METTL6: variants seen among roughly 807,000 people sequenced by gnomAD.
METTL6 encodes tRNA N(3)-cytidine methyltransferase METTL6.
In METTL6, 22 loss-of-function variants were observed where a neutral mutation model predicts 26.4. The observed-to-expected ratio is 0.83, with a 90% CI of 0.59 to 1.19. The LOEUF (loss-of-function observed/expected upper bound fraction) is 1.19, where lower values mean the gene tolerates loss of function less well. METTL6 is among the 50% of genes most tolerant of loss of function. The pLI is 0.00. For synonymous variants in METTL6, 109 were observed against 116.2 expected (o/e 0.94, Z 0.40); for missense variants, 304 against 324.8 (o/e 0.94, Z 0.49).
At position 15,425,119 on chromosome 3, in the gene METTL6, T is replaced by C. The variant is rs746498177; in HGVS notation, c.226-30A>G. ...GGAAAGACAGCTCAAAGTTATAGTA[T>C]ATCACATTTGCATAATGAAGAAATA... On this transcript the variant is annotated intron_variant, in intron 2 of 5. Coordinates refer to ENST00000383790, the MANE Select transcript of METTL6 (RefSeq NM_152396.4). 3.1e-6 allele frequency: 5 copies of C among 1,609,930 alleles called. No homozygotes were observed. The South Asian group carries it at 5.5e-5, about 18-fold the overall frequency.
At chr3:15,419,299 C>A (rs1440251849) in intron 3 of METTL6, among the ~76,000 whole-genome samples, 1 of 151,640 alleles carries the variant, frequency 6.6e-6, no homozygotes, top group Non-Finnish European at 1.5e-5. Flanking sequence ...AATGACAAAC[C>A]AATAGAAAAA....
chr3:15,416,708 T>C (rs1700221384), intron 3 of METTL6, among the ~76,000 whole-genome samples: 1 of 152,242 alleles, frequency 6.6e-6, no homozygotes, highest in Non-Finnish European at 1.5e-5. Context: ...TAACCTTTTT[T>C]TGACTACAAA....
At chr3:15,407,501 GT>G (rs1159377171), downstream of METTL6, among the ~76,000 whole-genome samples, 1 of 152,182 alleles carries the variant, frequency 6.6e-6, no homozygotes, top group African/African-American at 2.4e-5. Context: ...TCATCAACCT[GT>G]TTTGCTTTCT....
chr3:15,427,639 C>T, upstream of METTL6: 1 of 823,212 alleles, frequency 1.2e-6, no homozygotes, highest in Non-Finnish European at 2.0e-6. Flanking sequence ...GCTTCTGGAC[C>T]CGGGTGGGTG....
chr3:15,403,833 T>C (rs1699712316), intron 6 of METTL6, among the ~76,000 whole-genome samples: 1 of 152,208 alleles, frequency 6.6e-6, no homozygotes, highest in Admixed American at 6.5e-5. Flanking sequence ...TTTGTGGTTA[T>C]TTCTTGATTA....
intron 3 of METTL6, among the ~76,000 whole-genome samples, chr3:15,423,747 G>A (rs1206101846): frequency 6.6e-6 from 1 of 151,908 alleles, no homozygotes; most frequent in Non-Finnish European, 1.5e-5. Context: ...GCTGGGCACG[G>A]TGGCACATGC....
At chr3:15,401,416 C>G (rs1274665975) in intron 6 of METTL6, among the ~76,000 whole-genome samples, 1 of 151,792 alleles carries the variant, frequency 6.6e-6, no homozygotes. Flanking sequence ...TCAGCTGATC[C>G]ACCCATCTCA....
chr3:15,405,092 T>C (rs1253178190), downstream of METTL6, among the ~76,000 whole-genome samples: 1 of 152,228 alleles, frequency 6.6e-6, no homozygotes, highest in Non-Finnish European at 1.5e-5. Context: ...TTGGCCTTAA[T>C]TCCAAACAAC....
chr3:15,422,110 G>A (rs1322102648), intron 3 of METTL6, among the ~76,000 whole-genome samples: 1 of 151,654 alleles, frequency 6.6e-6, no homozygotes, highest in Non-Finnish European at 1.5e-5. Flanking sequence ...AGGATCTCTT[G>A]AGCCCAGGAG....
At chr3:15,385,609 C>T (rs1032263548) in intron 6 of METTL6, among the ~76,000 whole-genome samples, 2 of 151,912 alleles carry the variant, frequency 1.3e-5, no homozygotes, top group African/African-American at 4.8e-5. Context: ...AACAAACAAA[C>T]GAACGAACAA....
rs115156238 is a variant in METTL6 at position 15,387,231 on chromosome 3, G to A, written c.*12-3044C>T. Among the ~76,000 whole-genome samples the A allele has an allele frequency of 1.9e-3, 290 of 152,286 alleles. 1 individual carries two copies. Among genetic ancestry groups the A allele is most frequent in the Middle Eastern group, 6.8e-3 (2 of 294 alleles). ...GATCACCTGACATTCCTGGAGACAG[G>A]GCCCTCCCCTGCCCTGCTCATGTCT... On this transcript the variant is annotated intron_variant, in intron 6 of 6. Coordinates refer to the METTL6 transcript ENST00000443029.
At chr3:15,418,015 T>C (rs1247349630) in intron 3 of METTL6, among the ~76,000 whole-genome samples, 3 of 152,196 alleles carry the variant, frequency 2.0e-5, no homozygotes, top group African/African-American at 7.2e-5. Flanking sequence ...GTTTGAAGTC[T>C]CTGGTGCCCA....
At chr3:15,419,953 C>T (rs1333472942) in intron 3 of METTL6, among the ~76,000 whole-genome samples, 1 of 151,742 alleles carries the variant, frequency 6.6e-6, no homozygotes, top group Non-Finnish European at 1.5e-5. Context: ...GCTCCGCCTC[C>T]CAGGTTCATG....
At chr3:15,425,207 G>T in intron 2 of METTL6, 118 bp from the exon 3 acceptor site, 1 of 1,074,442 alleles carries the variant, frequency 9.3e-7, no homozygotes, top group Non-Finnish European at 1.3e-6. Flanking sequence ...CGATCAACAA[G>T]AGAACTAATA....
At chr3:15,391,875 C>A (rs1394998357) in intron 6 of METTL6, among the ~76,000 whole-genome samples, 1 of 152,162 alleles carries the variant, frequency 6.6e-6, no homozygotes, top group Non-Finnish European at 1.5e-5. Context: ...ATATGCACCA[C>A]ATTTTCTTAA....
chr3:15,413,872 G>T (rs1470977563), intron 5 of METTL6, 149 bp downstream of exon 5: 7 of 1,522,106 alleles, frequency 4.6e-6, no homozygotes, highest in Non-Finnish European at 6.2e-6. Flanking sequence ...CCTTCCAGGT[G>T]CTGGGTAAAT....
exon 7 of METTL6, chr3:15,383,058 T>C (rs1201380622): frequency 2.0e-5 from 3 of 152,186 alleles, no homozygotes; most frequent in Non-Finnish European, 4.4e-5. Context: ...AGATCTACTG[T>C]ACATGGTGAC....
rs1419091092 is a variant in METTL6 at position 15,415,335 on chromosome 3, T to C, written c.531+437A>G. Among the ~76,000 whole-genome samples the C allele has an allele frequency of 1.3e-5, 2 of 152,210 alleles. 1 individual carries two copies. The highest frequency in any genetic ancestry group is 4.1e-4 in the South Asian group (2 of 4,832). Reference sequence around the variant, plus strand: ...GATCTGCCAATGATCATACATTAGCTTTTTTTAGACAAGGTCTTGCTATGT... The same window carrying C: ...GATCTGCCAATGATCATACATTAGCCTTTTTTAGACAAGGTCTTGCTATGT... On this transcript the variant is annotated intron_variant, in intron 4 of 5. Transcript: ENST00000383790.
chr3:15,412,524 G>A (rs762897163), intron 5 of METTL6, among the ~76,000 whole-genome samples: 19 of 151,682 alleles, frequency 1.3e-4, no homozygotes, highest in Non-Finnish European at 2.1e-4. Context: ...TCGCCCTGTC[G>A]CCCAGGCTGG....
Sources: allele counts gnomAD v4.1 joint callset (sites outside exome capture counted in the v4.1 genomes callset), GRCh38; gene constraint gnomAD v4.1.1; transcripts MANE v1.5; gene names NCBI Gene and HGNC (gene_info 2026-07-23, HGNC 2026-07-21).